CHSY3: variants seen among roughly 807,000 people sequenced by gnomAD.
CHSY3 encodes the protein N-acetylgalactosaminyl-proteoglycan 3-beta-glucuronosyltransferase 3.
Under a neutral mutation model 67.2 loss-of-function variants are expected in CHSY3, and 35 were observed. The ratio of observed to expected loss-of-function variants is 0.52; its 90% CI spans 0.40 to 0.69. The LOEUF (loss-of-function observed/expected upper bound fraction) is 0.69. CHSY3 is among the 30% of genes least tolerant of loss of function. The pLI, the probability that CHSY3 is intolerant of heterozygous loss-of-function variation, is 0.00. For synonymous variants in CHSY3, 474 were observed against 434.7 expected, an observed-to-expected ratio of 1.09 and a Z score of -1.12; for missense variants, 1,069 against 1,138.5, an observed-to-expected ratio of 0.94 and a Z score of 0.88.
At chr5:130,014,991 G>A (rs1254090496) in intron 2 of CHSY3, among the ~76,000 whole-genome samples, 4 of 152,140 alleles carry the variant, frequency 2.6e-5, no homozygotes, top group Non-Finnish European at 5.9e-5. Flanking sequence ...TAATATATAA[G>A]GAACTGATAT....
rs111401194 is a variant in CHSY3 at position 130,139,452 on chromosome 5, T to A, written c.1087-44777T>A. Among the ~76,000 whole-genome samples the A allele has an allele frequency of 3.0e-3, 457 of 152,358 alleles. 2 individuals carry two copies. Among genetic ancestry groups the A allele is most frequent in the African/African-American group, 0.011 (439 of 41,590 alleles). On this transcript the variant is annotated intron_variant, in intron 2 of 2. Coordinates refer to ENST00000305031, the MANE Select transcript of CHSY3 (RefSeq NM_175856.5). ...TGTGAGCTCCAGATTAGAGTATGTA[T>A]GATAACTTTACATCTTTGTCACTCA...
intron 2 of CHSY3, among the ~76,000 whole-genome samples, chr5:129,941,657 C>T (rs146632363): frequency 6.6e-6 from 1 of 152,148 alleles, no homozygotes; most frequent in Non-Finnish European, 1.5e-5. Context: ...TGTTTTTCCT[C>T]TAATCTCATA....
chr5:130,141,758 G>T, intron 2 of CHSY3: 1 of 470,780 alleles, frequency 2.1e-6, no homozygotes, highest in Non-Finnish European at 4.2e-6. Context: ...ATTATCAACT[G>T]GCTGGATAAG....
chr5:130,140,336 T>C (rs2149718825), intron 2 of CHSY3: 1 of 547,732 alleles, frequency 1.8e-6, no homozygotes, highest in South Asian at 2.0e-5. Flanking sequence ...AACGTCCAAG[T>C]AGAATACAAG....
chr5:130,089,392 A>G (rs2149691724), intron 2 of CHSY3, among the ~76,000 whole-genome samples: 1 of 152,066 alleles, frequency 6.6e-6, no homozygotes, highest in East Asian at 1.9e-4. Context: ...ATAAAAATTA[A>G]AAATAAAAAA....
intron 2 of CHSY3, among the ~76,000 whole-genome samples, chr5:129,934,986 G>A (rs1163479190): frequency 1.3e-5 from 2 of 152,108 alleles, no homozygotes; most frequent in South Asian, 2.1e-4. Flanking sequence ...CGAGAGCTAG[G>A]TTATCAAAGA....
At chr5:130,182,078 T>C (rs1394957738) in intron 2 of CHSY3, among the ~76,000 whole-genome samples, 1 of 152,070 alleles carries the variant, frequency 6.6e-6, no homozygotes, top group African/African-American at 2.4e-5. Flanking sequence ...TTCATTTTAG[T>C]TGATACGGGT....
At chr5:130,051,651 AC>A (rs926291637) in intron 2 of CHSY3, among the ~76,000 whole-genome samples, 1 of 152,128 alleles carries the variant, frequency 6.6e-6, no homozygotes, top group Non-Finnish European at 1.5e-5. Flanking sequence ...CCAGAATCAG[AC>A]ATTTGAGGAA....
chr5:130,006,153 G>A (rs377601747), intron 2 of CHSY3, among the ~76,000 whole-genome samples: 11 of 152,254 alleles, frequency 7.2e-5, no homozygotes, highest in South Asian at 4.1e-4. Flanking sequence ...CACATTCTTG[G>A]ATTATACTTG....
chr5:130,171,117 A>G (rs1769883830), intron 2 of CHSY3, among the ~76,000 whole-genome samples: 1 of 152,172 alleles, frequency 6.6e-6, no homozygotes, highest in Non-Finnish European at 1.5e-5. Flanking sequence ...TGTTTAGGGA[A>G]AAAATAAATG....
At chr5:130,176,822 C>T (rs1254498113) in intron 2 of CHSY3, among the ~76,000 whole-genome samples, 2 of 152,044 alleles carry the variant, frequency 1.3e-5, no homozygotes, top group South Asian at 4.1e-4. Flanking sequence ...AGGGGAACAT[C>T]ACACACCAGG....
chr5:130,063,212 T>A (rs1765768760), intron 2 of CHSY3, among the ~76,000 whole-genome samples: 1 of 152,146 alleles, frequency 6.6e-6, no homozygotes, highest in Non-Finnish European at 1.5e-5. Flanking sequence ...CGCCTGAATC[T>A]CAATCAGGTA....
Position 129,905,353 on chromosome 5 carries a change from TG to T in CHSY3, c.529del (p.Val177Ter). The T allele has an allele frequency of 1.3e-6, 2 of 1,569,540 alleles. No individual in the cohort carries two copies. The highest frequency in any genetic ancestry group is 1.1e-5 in the South Asian group (1 of 88,230). ...GCCCGACCCCGGGACTTCCTGTACG[TG>T]GGGGTGATGACCGCGCAGAAGTACC... ...PSARPRDFLY[V>X]GVMTAQKYLG... On this transcript the variant is annotated frameshift_variant, in exon 1 of 3. Transcript: ENST00000305031. LOFTEE classifies it high-confidence loss of function.
chr5:129,954,885 T>G (rs1190479513), intron 2 of CHSY3, among the ~76,000 whole-genome samples: 1 of 152,120 alleles, frequency 6.6e-6, no homozygotes, highest in Non-Finnish European at 1.5e-5. Flanking sequence ...ATATATTTTT[T>G]TGAGATGGAG....
At chr5:130,130,545 C>G (rs1038613354) in intron 2 of CHSY3, among the ~76,000 whole-genome samples, 4 of 152,102 alleles carry the variant, frequency 2.6e-5, no homozygotes, top group Admixed American at 1.3e-4. Context: ...TCTTGGGAGT[C>G]TAAAACTTCT....
intron 2 of CHSY3, among the ~76,000 whole-genome samples, chr5:130,008,447 A>C (rs1215138522): frequency 6.6e-6 from 1 of 152,220 alleles, no homozygotes; most frequent in Non-Finnish European, 1.5e-5. Flanking sequence ...CAAAATAATC[A>C]AAAAATATAA....
At chr5:129,958,819 A>T (rs1762250433) in intron 2 of CHSY3, among the ~76,000 whole-genome samples, 1 of 152,158 alleles carries the variant, frequency 6.6e-6, no homozygotes, top group Non-Finnish European at 1.5e-5. Context: ...GGAATTAGCC[A>T]GTGTGCCTGG....
intron 2 of CHSY3, among the ~76,000 whole-genome samples, chr5:130,037,853 A>C (rs1396545830): frequency 6.6e-6 from 1 of 152,122 alleles, no homozygotes; most frequent in Non-Finnish European, 1.5e-5. Context: ...CCATTTGATC[A>C]CATATAGAGA....
intron 2 of CHSY3, among the ~76,000 whole-genome samples, chr5:129,967,760 C>G (rs1762511439): frequency 6.6e-6 from 1 of 151,772 alleles, no homozygotes; most frequent in Non-Finnish European, 1.5e-5. Flanking sequence ...CTGACCATGT[C>G]CACAGACAGT....
Sources: allele counts gnomAD v4.1 joint callset (sites outside exome capture counted in the v4.1 genomes callset), GRCh38; gene constraint gnomAD v4.1.1; transcripts MANE v1.5; gene names NCBI Gene and HGNC (gene_info 2026-07-23, HGNC 2026-07-21).